FSIP1: variants seen among roughly 807,000 people sequenced by gnomAD.
FSIP1 encodes fibrous sheath-interacting protein 1.
Under a neutral mutation model 60.9 loss-of-function variants are expected in FSIP1, and 65 were observed. The ratio of observed to expected loss-of-function variants is 1.07; its 90% CI spans 0.87 to 1.31. FSIP1 has a LOEUF of 1.31. Among genes scored for constraint, FSIP1 ranks in the 40% most tolerant of loss-of-function variants. FSIP1 has a pLI of 0.00. For missense variants in FSIP1, 675 were observed against 665.5 expected, an observed-to-expected ratio of 1.01 and a Z score of -0.16; for synonymous variants, 209 against 221.2, an observed-to-expected ratio of 0.94 and a Z score of 0.49.
intron 3 of FSIP1, among the ~76,000 whole-genome samples, chr15:39,769,278 C>CAA (rs536401282): frequency 1.6e-3 from 141 of 85,788 alleles, no homozygotes; most frequent in African/African-American, 4.5e-3. Context: ...GACTCCGTCT[C>CAA]AAAAAAAAAA....
chr15:39,692,745 T>TAA (rs35573315), intron 10 of FSIP1, among the ~76,000 whole-genome samples: 2 of 147,116 alleles, frequency 1.4e-5, no homozygotes, highest in African/African-American at 2.5e-5. Flanking sequence ...ACCCTAGGTT[T>TAA]AAAAAAAAAA....
intron 10 of FSIP1, among the ~76,000 whole-genome samples, chr15:39,658,306 A>G (rs12899323): frequency 0.76 from 111,183 of 147,006 alleles, 43,079 homozygotes; most frequent in Non-Finnish European, 0.87. Flanking sequence ...AGGCTGGAGT[A>G]TAGTGGCGCG....
At chr15:39,724,706 G>A (rs965858611) in intron 9 of FSIP1, among the ~76,000 whole-genome samples, 8 of 151,972 alleles carry the variant, frequency 5.3e-5, no homozygotes, top group African/African-American at 1.5e-4. Context: ...TCAGTGCCTC[G>A]GACTTCACAG....
Position 39,664,372 on chromosome 15 carries a change from G to C in FSIP1, c.1189-46127C>G, listed in dbSNP as rs947592580. 8.5e-5 allele frequency among the ~76,000 whole-genome samples: 13 copies of C among 152,076 alleles called. No individual in the cohort carries two copies. The East Asian group carries it at 2.5e-3, about 29-fold the overall frequency. On this transcript the variant is annotated intron_variant, in intron 10 of 11. Transcript: ENST00000350221. ...AGGGGTTTTTAAAAGAAAAATTTAA[G>C]TTCCCTCAGACCTATATAAAATTGG...
chr15:39,679,201 G>A (rs1894062334), intron 10 of FSIP1, among the ~76,000 whole-genome samples: 1 of 152,152 alleles, frequency 6.6e-6, no homozygotes, highest in Admixed American at 6.5e-5. Context: ...GATGGAGAAT[G>A]GTTCAGAATA....
intron 8 of FSIP1, among the ~76,000 whole-genome samples, chr15:39,732,788 A>ACCTCATTT (rs370712735): frequency 0.16 from 23,768 of 152,170 alleles, 2,057 homozygotes; most frequent in African/African-American, 0.21. Flanking sequence ...CATAAAGGAA[A>ACCTCATTT]GGGCACATTT....
chr15:39,645,373 C>T (rs1045102380), intron 10 of FSIP1, among the ~76,000 whole-genome samples: 14 of 151,198 alleles, frequency 9.3e-5, no homozygotes, highest in African/African-American at 3.4e-4. Flanking sequence ...GAGCTACGTG[C>T]CTCTGCAGCC....
intron 10 of FSIP1, among the ~76,000 whole-genome samples, chr15:39,675,990 C>T (rs1232564280): frequency 7.4e-6 from 1 of 134,716 alleles, no homozygotes; most frequent in Admixed American, 8.1e-5. Flanking sequence ...ACGGTGAAAC[C>T]CTGTCTCTAC....
Position 39,617,808 on chromosome 15 carries a change from C to T in FSIP1, c.1626G>A (p.Leu542=). ...LKRPSFLDDP[L]YGISVSLSSE... is the part of the protein sequence containing the mutation. ...ATGAAAGGCTCACACTGATACCATA[C>T]AGTGGATCATCTAAGAAGGAGGGCC... is the stretch of plus-strand genomic sequence containing the variant. Residue 542 remains leucine (L), a synonymous_variant, in exon 11 of 12, where the codon CTG becomes CTA. Coordinates refer to ENST00000350221, the MANE Select transcript of FSIP1 (RefSeq NM_152597.5). 6.2e-7 allele frequency: 1 copy of T among 1,614,074 alleles called. No homozygotes were observed. Among genetic ancestry groups the T allele is most frequent in the South Asian group, 1.1e-5 (1 of 91,080 alleles).
intron 10 of FSIP1, among the ~76,000 whole-genome samples, 187 bp downstream of exon 10, chr15:39,713,257 T>C (rs943736187): frequency 1.3e-5 from 2 of 152,110 alleles, no homozygotes; most frequent in Non-Finnish European, 2.9e-5. Flanking sequence ...CAAGTGTTGG[T>C]TACAATTAAA....
chr15:39,659,758 A>T (rs955629161), intron 10 of FSIP1, among the ~76,000 whole-genome samples: 1 of 152,070 alleles, frequency 6.6e-6, no homozygotes, highest in Non-Finnish European at 1.5e-5. Context: ...AGGAATAAAT[A>T]TGAGAGATTT....
intron 9 of FSIP1, among the ~76,000 whole-genome samples, chr15:39,721,541 G>C (rs1337568855): frequency 6.6e-6 from 1 of 152,148 alleles, no homozygotes; most frequent in Non-Finnish European, 1.5e-5. Context: ...GCTACCTTGA[G>C]GTCAGAGATC....
chr15:39,612,497 C>T (rs1042482454), intron 11 of FSIP1, among the ~76,000 whole-genome samples: 4 of 151,968 alleles, frequency 2.6e-5, no homozygotes, highest in Non-Finnish European at 5.9e-5. Flanking sequence ...CTGACAAAAG[C>T]AGTTCTAAGT....
chr15:39,663,143 T>G (rs1386724591), intron 10 of FSIP1, among the ~76,000 whole-genome samples: 1 of 152,206 alleles, frequency 6.6e-6, no homozygotes, highest in Non-Finnish European at 1.5e-5. Flanking sequence ...TGTTATCTAT[T>G]ATTGTTGTTT....
chr15:39,777,390 T>C (rs1433432282), intron 1 of FSIP1, among the ~76,000 whole-genome samples: 1 of 152,190 alleles, frequency 6.6e-6, no homozygotes, highest in Admixed American at 6.5e-5. Flanking sequence ...ATTTCTGCCC[T>C]CTGAAGCAAG....
intron 9 of FSIP1, among the ~76,000 whole-genome samples, chr15:39,724,779 G>A (rs1272365822): frequency 6.6e-6 from 1 of 152,190 alleles, no homozygotes; most frequent in East Asian, 1.9e-4. Context: ...TCAGCTCTGA[G>A]ATTTCAGCTA....
chr15:39,615,978 G>A (rs1254022670), intron 11 of FSIP1, among the ~76,000 whole-genome samples: 1 of 152,100 alleles, frequency 6.6e-6, no homozygotes, highest in Non-Finnish European at 1.5e-5. Context: ...AATGGTAAGT[G>A]AGGTGATAGA....
At chr15:39,722,620 G>GCT (rs755310923) in intron 9 of FSIP1, among the ~76,000 whole-genome samples, 2 of 147,044 alleles carry the variant, frequency 1.4e-5, no homozygotes, top group East Asian at 1.9e-4. Flanking sequence ...CCTTGGATAT[G>GCT]CTCTCTCTCT....
intron 11 of FSIP1, among the ~76,000 whole-genome samples, chr15:39,605,165 C>T (rs188577176): frequency 5.9e-4 from 90 of 152,154 alleles, no homozygotes; most frequent in African/African-American, 1.9e-3. Context: ...CTGAGGATCC[C>T]AATAAGATAA....
Sources: allele counts gnomAD v4.1 joint callset (sites outside exome capture counted in the v4.1 genomes callset), GRCh38; gene constraint gnomAD v4.1.1; transcripts MANE v1.5; gene names NCBI Gene and HGNC (gene_info 2026-07-23, HGNC 2026-07-21).